The following OLFM1 variants were observed in gnomAD, a reference collection of about 807,000 sequenced individuals.
OLFM1 encodes the protein noelin.
Under a neutral mutation model 49.7 loss-of-function variants are expected in OLFM1, and 9 were observed. The observed-to-expected ratio is 0.18, with a 90% confidence interval of 0.11 to 0.32. OLFM1 has a LOEUF of 0.32. Ranked by LOEUF, OLFM1 falls within the 10% of genes least tolerant of loss-of-function variation. The pLI is 1.00. For synonymous variants in OLFM1, 240 were observed against 271.8 expected (o/e 0.88, Z 1.15); for missense variants, 369 against 661.8 (o/e 0.56, Z 4.85).
At chr9:135,096,255 TCCCTCTCCTTCTTCTCCTCCTCTTCCCCC>T (rs1830795513) in intron 3 of OLFM1, among the ~76,000 whole-genome samples, 158 of 120,492 alleles carry the variant, frequency 1.3e-3, no homozygotes, top group African/African-American at 4.9e-3. Flanking sequence ...CTCTTCCTCC[TCCCTCTCCTTCTTCTCCTCCTCTTCCCCC>T]TCATCCTCTT....
chr9:135,077,085 C>T, intron 1 of OLFM1: 1 of 1,550,374 alleles, frequency 6.5e-7, no homozygotes, highest in Non-Finnish European at 8.7e-7. Context: ...TTTTCTTGGC[C>T]CCAGGAAGGC....
At chr9:135,087,622 C>T, upstream of OLFM1, 4 of 653,282 alleles carry the variant, frequency 6.1e-6, no homozygotes, top group African/African-American at 1.9e-5. Flanking sequence ...CCCGGCCGAG[C>T]CCCGCCTCCC....
At chr9:135,083,636 G>A (rs1389435559), upstream of OLFM1, among the ~76,000 whole-genome samples, 3 of 152,186 alleles carry the variant, frequency 2.0e-5, no homozygotes, top group South Asian at 2.1e-4. Flanking sequence ...CTCCTGGGTC[G>A]GCAGCTCAGG....
chr9:135,097,750 C>T (rs770547739), intron 3 of OLFM1: 20 of 1,579,132 alleles, frequency 1.3e-5, no homozygotes, highest in Non-Finnish European at 1.7e-5. Flanking sequence ...TGAGCTAGTT[C>T]TTCAACGGTA....
intron 4 of OLFM1, among the ~76,000 whole-genome samples, chr9:135,103,274 C>T (rs1830895446): frequency 6.6e-6 from 1 of 152,200 alleles, no homozygotes; most frequent in African/African-American, 2.4e-5. Flanking sequence ...ACTGCATGTG[C>T]CAAGATTCCA....
At chr9:135,091,675 T>A (rs114905285) in intron 2 of OLFM1, among the ~76,000 whole-genome samples, 3,878 of 32,732 alleles carry the variant, frequency 0.12, 827 homozygotes, top group African/African-American at 0.4. Flanking sequence ...AGTCACACAC[T>A]CACACATAGT....
intron 2 of OLFM1, among the ~76,000 whole-genome samples, chr9:135,094,187 G>A (rs781611723): frequency 2.0e-5 from 3 of 152,104 alleles, no homozygotes; most frequent in Non-Finnish European, 1.5e-5. Context: ...AGCTACTCCC[G>A]TGCACTAGAT....
upstream of OLFM1, among the ~76,000 whole-genome samples, chr9:135,085,112 G>A (rs1830581009): frequency 6.6e-6 from 1 of 152,196 alleles, no homozygotes; most frequent in South Asian, 2.1e-4. Flanking sequence ...CAAGGTCAAG[G>A]CCTGTAGGGG....
At chr9:135,091,541 ACATAGTCACACACT>A (rs904833163) in intron 2 of OLFM1, among the ~76,000 whole-genome samples, 8 of 137,020 alleles carry the variant, frequency 5.8e-5, no homozygotes, top group South Asian at 2.4e-4. Context: ...AGTCACACTC[ACATAGTCACACACT>A]CATAGTCACA....
At chr9:135,084,302 A>C (rs1564266936), upstream of OLFM1, among the ~76,000 whole-genome samples, 1 of 148,524 alleles carries the variant, frequency 6.7e-6, no homozygotes, top group South Asian at 2.1e-4. This position sits in a 1 kb window ranked among gnomAD's most constrained non-coding sequence, Gnocchi z 4.6. Flanking sequence ...GTGTCACTCT[A>C]TCTTTCTTCT....
intron 5 of OLFM1, among the ~76,000 whole-genome samples, chr9:135,107,131 GTGGGCTGGGCTGGGCTGGGC>G (rs55864915): frequency 1.4e-4 from 21 of 151,694 alleles, no homozygotes; most frequent in African/African-American, 2.9e-4. Flanking sequence ...CCCCGGCCCG[GTGGGCTGGGCTGGGCTGGGC>G]TGGGCTGGGC....
In OLFM1 at chr9:135,106,757, A is replaced by C. The variant is rs1233582591; in HGVS notation, c.685A>C (p.Lys229Gln). The C allele has an allele frequency of 6.2e-7, 1 of 1,613,434 alleles. No homozygotes were observed. Among genetic ancestry groups the C allele is most frequent in the Non-Finnish European group, 8.5e-7 (1 of 1,179,832 alleles). ...RACMQKLACG[K>Q]LTGISDPVTV... ...TGCGTGCTCTTTTCCAGCTTGCGGG[A>C]AGTTGACGGGCATCAGTGACCCCGT... The change falls in exon 5 of 6, where the codon AAG becomes CAG. Residue 229 changes from lysine (K) to glutamine (Q), a missense_variant. Lys to Gln is a moderately conservative substitution (Grantham distance 53). This residue lies in a region of OLFM1 where 294 missense variants were observed against 567.5 expected (regional missense o/e 0.52). Coordinates refer to ENST00000371793, the MANE Select transcript of OLFM1 (RefSeq NM_001282611.2).
chr9:135,076,411 G>A lies in OLFM1; in HGVS notation c.96+609G>A, dbSNP rs952856683. On this transcript the variant is annotated intron_variant, in intron 1 of 5. Coordinates refer to the OLFM1 transcript ENST00000252854. Reference sequence around the variant, plus strand: ...GCAGGAGGTGAGTGAGGAGCCCTGTGGCGTGCTGGTGTGGGGATCGTGGGC... The same window carrying A: ...GCAGGAGGTGAGTGAGGAGCCCTGTAGCGTGCTGGTGTGGGGATCGTGGGC... The A allele has an allele frequency of 3.4e-6, 5 of 1,483,338 alleles. No homozygotes were observed. In the African/African-American group the frequency reaches 5.6e-5, roughly 17 times the overall value. The allele number at this position is 1,483,338 out of a possible 1,614,324, so 91.9% of individuals were successfully genotyped here.
chr9:135,087,782 T>C lies in OLFM1; in HGVS notation c.-208T>C, dbSNP rs1830619475. ...CAGGGCGCGGCGGGCAGAGGCCACC[T>C]GGCCACCTTCCCTGGCGCCCGGGGA... On this transcript the variant is annotated 5_prime_UTR_variant, in exon 1 of 6. Transcript: ENST00000371793. The C allele has an allele frequency of 1.7e-6, 1 of 591,132 alleles. No homozygotes were observed. The highest frequency in any genetic ancestry group is 6.9e-5 in the South Asian group (1 of 14,446). 36.6% of individuals were successfully genotyped at this position (591,132 alleles called of 1,614,324 possible).
chr9:135,082,858 C>G (rs1211650644), upstream of OLFM1, among the ~76,000 whole-genome samples: 1 of 152,172 alleles, frequency 6.6e-6, no homozygotes, highest in Non-Finnish European at 1.5e-5. Flanking sequence ...CAAGTCCAGG[C>G]TCCACAGGGC....
chr9:135,087,097 C>T (rs1051944294), upstream of OLFM1, among the ~76,000 whole-genome samples: 32 of 152,256 alleles, frequency 2.1e-4, no homozygotes, highest in African/African-American at 7.7e-4. Context: ...CAAGCAAGGC[C>T]TTAGGGCACC....
chr9:135,114,746 T>C (rs1224271539), intron 5 of OLFM1, among the ~76,000 whole-genome samples: 2 of 151,802 alleles, frequency 1.3e-5, no homozygotes, highest in African/African-American at 2.4e-5. Context: ...AGAAAGGGTG[T>C]GTACAGGGGA....
rs139586339 is a variant in OLFM1, at chr9:135,099,921, G to A, written c.676+1416G>A. Among the ~76,000 whole-genome samples, 769 of 152,288 alleles carry A rather than the reference G, an allele frequency of 5.0e-3. 11 individuals are homozygous for A. Among genetic ancestry groups the A allele is most frequent in the African/African-American group, 0.018 (751 of 41,538 alleles). The stretch of plus-strand genomic sequence containing the variant: ...GTTGGTGTGAATGTTAATGATGATA[G>A]GGCTGTATTAACGATCATGGGGCTA... On this transcript the variant is annotated intron_variant, in intron 4 of 5. Coordinates refer to ENST00000371793, the MANE Select transcript of OLFM1 (RefSeq NM_001282611.2).
upstream of OLFM1, among the ~76,000 whole-genome samples, chr9:135,086,146 G>T (rs556769113): frequency 6.6e-6 from 1 of 152,276 alleles, no homozygotes; most frequent in South Asian, 2.1e-4. Context: ...CATGGCCAGA[G>T]GAGGGGGGCG....
Sources: allele counts gnomAD v4.1 joint callset (sites outside exome capture counted in the v4.1 genomes callset), GRCh38; gene constraint gnomAD v4.1.1; regional missense constraint gnomAD v4.1.1; non-coding constraint Gnocchi (gnomAD v3.1); transcripts MANE v1.5; gene names NCBI Gene and HGNC (gene_info 2026-07-23, HGNC 2026-07-21).